ARHGAP28: variants seen among roughly 807,000 people sequenced by gnomAD.
ARHGAP28 encodes the protein rho GTPase-activating protein 28.
In ARHGAP28, 56 loss-of-function variants were observed where a neutral mutation model predicts 90.7. The observed-to-expected ratio is 0.62, with a 90% CI of 0.50 to 0.77. The LOEUF is 0.77. ARHGAP28 is among the 30% of genes least tolerant of loss of function. The pLI, the probability that ARHGAP28 is intolerant of heterozygous loss-of-function variation, is 0.00. For missense variants in ARHGAP28, 869 were observed against 900.9 expected (o/e 0.96, Z 0.45); for synonymous variants, 308 against 323.3 (o/e 0.95, Z 0.51).
At chr18:6,877,171 G>GA (rs1444574597) in intron 10 of ARHGAP28, among the ~76,000 whole-genome samples, 3 of 152,230 alleles carry the variant, frequency 2.0e-5, no homozygotes, top group Non-Finnish European at 4.4e-5. Context: ...ATCAGTATCA[G>GA]AGTTTTTATA....
intron 1 of ARHGAP28, among the ~76,000 whole-genome samples, chr18:6,800,023 G>C (rs1208761048): frequency 6.6e-6 from 1 of 151,694 alleles, no homozygotes; most frequent in Non-Finnish European, 1.5e-5. Flanking sequence ...ACAAGAAAAA[G>C]AACAACCCCA....
intron 1 of ARHGAP28, among the ~76,000 whole-genome samples, chr18:6,806,706 T>C (rs1421697927): frequency 6.6e-6 from 1 of 152,144 alleles, no homozygotes; most frequent in Non-Finnish European, 1.5e-5. Context: ...CTGTTCCTTA[T>C]GCTCTTCATT....
chr18:6,839,598 T>A (rs971342369), intron 3 of ARHGAP28, among the ~76,000 whole-genome samples: 4 of 152,180 alleles, frequency 2.6e-5, no homozygotes, highest in Non-Finnish European at 4.4e-5. Context: ...CGCCCGGCCA[T>A]AATTTTTTTA....
chr18:6,745,067 G>A (rs769688930), intron 1 of ARHGAP28, among the ~76,000 whole-genome samples: 45 of 151,932 alleles, frequency 3.0e-4, no homozygotes, highest in Admixed American at 1.5e-3. Context: ...TTAAATTAAA[G>A]TGGAGAGTTC....
At chr18:6,822,600 A>G (rs2056633846) in intron 1 of ARHGAP28, among the ~76,000 whole-genome samples, 1 of 152,234 alleles carries the variant, frequency 6.6e-6, no homozygotes, top group African/African-American at 2.4e-5. Context: ...TCACCCGGTT[A>G]TCAGACAAAA....
chr18:6,911,687 C>T (rs975030380), intron 17 of ARHGAP28, among the ~76,000 whole-genome samples: 3 of 152,104 alleles, frequency 2.0e-5, no homozygotes, highest in Admixed American at 1.3e-4. Flanking sequence ...CCACCTGCCT[C>T]AGCCTCCCAA....
At chr18:6,896,903 T>C (rs1019345660) in intron 16 of ARHGAP28, 1 of 219,696 alleles carries the variant, frequency 4.6e-6, no homozygotes, top group Admixed American at 5.5e-5. Context: ...TTTTACCTTT[T>C]ATTTTATTTT....
intron 10 of ARHGAP28, among the ~76,000 whole-genome samples, chr18:6,878,803 C>G (rs1157820404): frequency 6.6e-6 from 1 of 152,132 alleles, no homozygotes; most frequent in African/African-American, 2.4e-5. Flanking sequence ...TGAACAGAAA[C>G]CGGGAAACAC....
chr18:6,859,947 C>T (rs1246694917), intron 5 of ARHGAP28, 50 bp downstream of exon 5: 2 of 1,469,462 alleles, frequency 1.4e-6, no homozygotes, highest in African/African-American at 2.8e-5. Context: ...AGTTGCAAGT[C>T]AAAGCAACTA....
intron 4 of ARHGAP28, among the ~76,000 whole-genome samples, chr18:6,855,346 C>T (rs2056944518): frequency 6.6e-6 from 1 of 152,188 alleles, no homozygotes; most frequent in African/African-American, 2.4e-5. Context: ...TTCCTCCCTT[C>T]TGAGCCCATA....
Position 6,729,926 on chromosome 18 carries a change from C to CA in ARHGAP28, c.106dup (p.Ser36LysfsTer16). The CA allele has an allele frequency of 7.2e-7, 1 of 1,393,300 alleles. No homozygotes were observed. The highest frequency in any genetic ancestry group is 9.3e-7 in the Non-Finnish European group (1 of 1,076,524). 86.3% of individuals were successfully genotyped at this position (1,393,300 alleles called of 1,614,324 possible). On this transcript the variant is annotated frameshift_variant, in exon 1 of 18. Coordinates refer to ENST00000383472, the MANE Select transcript of ARHGAP28 (RefSeq NM_001366230.1). LOFTEE classifies it high-confidence loss of function. ...CGCGCTGCGCGCCCCGCGCCGCAGC[C>CA]AGCCACCCGCTCAGCAGGTACCCGG...
In ARHGAP28 at chr18:6,887,217, A is replaced by G; in HGVS notation, c.1514A>G (p.Asp505Gly). The stretch of plus-strand genomic sequence containing the variant: ...CACCTCATGGTCATGGCGCTGCCTG[A>G]TGCCAACAGAGATGCAGCTCAGGTA... ...ALHLMVMALP[D>G]ANRDAAQALM... The change falls in exon 12 of 18, where the codon GAT (aspartate) becomes GGT (glycine). Residue 505 changes from aspartate to glycine, a missense_variant. Physicochemically the swap from Asp to Gly is moderately conservative, Grantham distance 94. Coordinates refer to ENST00000383472, the MANE Select transcript of ARHGAP28 (RefSeq NM_001366230.1). The G allele has an allele frequency of 6.2e-7, 1 of 1,614,124 alleles. No homozygotes were observed. The highest frequency in any genetic ancestry group is 8.5e-7 in the Non-Finnish European group (1 of 1,180,010).
intron 1 of ARHGAP28, among the ~76,000 whole-genome samples, chr18:6,766,291 A>C (rs1195138829): frequency 6.6e-6 from 1 of 152,140 alleles, no homozygotes; most frequent in Non-Finnish European, 1.5e-5. Flanking sequence ...CTCAGGGCAT[A>C]CTCATTTAGG....
In ARHGAP28 at chr18:6,787,219, T is replaced by TA. The variant is rs11350947; in HGVS notation, c.123-37520dup. Among the ~76,000 whole-genome samples the TA allele has an allele frequency of 3.7e-3, 346 of 94,438 alleles. 1 individual carries two copies. Among genetic ancestry groups the TA allele is most frequent in the East Asian group, 0.017 (54 of 3,096 alleles). 62.0% of individuals were successfully genotyped at this position (94,438 alleles called of 152,430 possible). A position where few individuals can be genotyped will look rare whatever the true frequency, so the allele number is the denominator to read the frequency against. ...TGGGCAACAAGAGCGAAACTCCATT[T>TA]AAAAAAAAAAAAAAAAAAAAAAAGG... On this transcript the variant is annotated intron_variant, in intron 1 of 17. Coordinates refer to ENST00000383472, the MANE Select transcript of ARHGAP28 (RefSeq NM_001366230.1).
chr18:6,839,597 A>G (rs529108686), intron 3 of ARHGAP28, among the ~76,000 whole-genome samples: 44 of 152,164 alleles, frequency 2.9e-4, no homozygotes, highest in Non-Finnish European at 4.4e-4. Context: ...GCGCCCGGCC[A>G]TAATTTTTTT....
intron 1 of ARHGAP28, among the ~76,000 whole-genome samples, chr18:6,752,914 T>C (rs898522200): frequency 6.6e-6 from 1 of 150,576 alleles, no homozygotes; most frequent in African/African-American, 2.4e-5. Flanking sequence ...ATAAGCATTT[T>C]ATTTGCTTTC....
Position 6,734,929 on chromosome 18 carries a change from C to T in ARHGAP28, c.122+4986C>T, listed in dbSNP as rs140151603. On this transcript the variant is annotated intron_variant, in intron 1 of 17. Coordinates refer to ENST00000383472, the MANE Select transcript of ARHGAP28 (RefSeq NM_001366230.1). ...TTTTTACAGTGGGATCCCTGCTGAG[C>T]GTAGATTCCTCCATATGCAGAGCTG... Among the ~76,000 whole-genome samples, 66 of 152,244 alleles carry T rather than the reference C, an allele frequency of 4.3e-4. 1 individual carries two copies. The highest frequency in any genetic ancestry group is 1.6e-3 in the African/African-American group (65 of 41,556).
At chr18:6,766,503 C>T (rs1306766623) in intron 1 of ARHGAP28, among the ~76,000 whole-genome samples, 1 of 152,138 alleles carries the variant, frequency 6.6e-6, no homozygotes, top group East Asian at 1.9e-4. Context: ...TGGCTCTGCT[C>T]TCCCCAGGAT....
At position 6,912,945 on chromosome 18, in the gene ARHGAP28, C is replaced by G. The variant is rs4798512; in HGVS notation, c.*791C>G. The G allele has an allele frequency of 0.81, 123,230 of 152,188 alleles. 50,196 individuals carry two copies. The highest frequency in any genetic ancestry group is 0.86 in the Non-Finnish European group (58,439 of 68,028). The allele number at this position is 152,188 out of a possible 1,614,324, so 9.4% of individuals were successfully genotyped here. A position where few individuals can be genotyped will look rare whatever the true frequency, so the allele number is the denominator to read the frequency against. The stretch of plus-strand genomic sequence containing the variant: ...TCACAGAGCCTACATTTTCTCATTA[C>G]GGTTATGATGCTCAGTATCTTTCCA... On this transcript the variant is annotated 3_prime_UTR_variant, in exon 18 of 18. Transcript: ENST00000383472.
Sources: allele counts gnomAD v4.1 joint callset (sites outside exome capture counted in the v4.1 genomes callset), GRCh38; gene constraint gnomAD v4.1.1; transcripts MANE v1.5; gene names NCBI Gene and HGNC (gene_info 2026-07-23, HGNC 2026-07-21).